Variants in HAVCR1 observed in about 807,000 individuals in gnomAD.
The protein encoded by HAVCR1 is T cell immunoglobin domain and mucin domain protein 1.
Under a neutral mutation model 32.0 loss-of-function variants are expected in HAVCR1, and 34 were observed. That is an observed-to-expected ratio of 1.06 (90% CI 0.81 to 1.42). The LOEUF (loss-of-function observed/expected upper bound fraction) is 1.42, where lower values mean the gene tolerates loss of function less well. Ranked by LOEUF, HAVCR1 falls within the 40% of genes most tolerant of loss-of-function variation. The probability of loss-of-function intolerance (pLI) is 0.00; values close to 1 mark genes in which losing one functional copy is unlikely to be tolerated. For synonymous variants in HAVCR1, 178 were observed against 170.3 expected (o/e 1.05, Z -0.35); for missense variants, 420 against 442.3 (o/e 0.95, Z 0.45).
At chr5:157,044,204 C>T (rs1229583109) in intron 5 of HAVCR1, among the ~76,000 whole-genome samples, 1 of 151,600 alleles carries the variant, frequency 6.6e-6, no homozygotes, top group African/African-American at 2.4e-5. Context: ...TGATGCTGCA[C>T]ATCTGTAATT....
the HAVCR1 span, among the ~76,000 whole-genome samples, chr5:157,065,401 G>T: frequency 6.6e-6 from 1 of 152,200 alleles, no homozygotes; most frequent in Non-Finnish European, 1.5e-5. Flanking sequence ...TAAGGACTAG[G>T]TCCTGGGGCC....
At position 157,032,868 on chromosome 5, in the gene HAVCR1, C is replaced by A. The variant is rs749450406; in HGVS notation, c.972G>T (p.Glu324Asp). Residue 324 changes from glutamate to aspartate, a missense_variant, in exon 8 of 9, where the codon GAG becomes GAT. Transcript: ENST00000523175. ...TTCGAGCTTACCTTAGTTGTTGAAC[C>A]TCCTTTTTGAAGAAATACTCTAAAT... ...IIAKKYFFKK[E>D]VQQLSVSFSS... 4 of 1,576,434 alleles carry A rather than the reference C, an allele frequency of 2.5e-6. No individual in the cohort carries two copies. Among genetic ancestry groups the A allele is most frequent in the Admixed American group, 1.7e-5 (1 of 57,292 alleles).
intron 5 of HAVCR1, among the ~76,000 whole-genome samples, chr5:157,048,097 C>T (rs1243582868): frequency 1.3e-5 from 2 of 152,116 alleles, no homozygotes; most frequent in Non-Finnish European, 2.9e-5. Context: ...CCCTTAATAG[C>T]GAGGACACAA....
At chr5:157,033,831 G>A (rs1420270603) in intron 7 of HAVCR1, among the ~76,000 whole-genome samples, 1 of 152,200 alleles carries the variant, frequency 6.6e-6, no homozygotes, top group African/African-American at 2.4e-5. Flanking sequence ...GGGAGGCAGA[G>A]GCAGGCGGTC....
intron 6 of HAVCR1, 115 bp downstream of exon 6, chr5:157,042,512 G>T: frequency 7.3e-6 from 4 of 546,774 alleles, no homozygotes; most frequent in South Asian, 3.2e-5. Context: ...TTTTTTTTAA[G>T]AAGAAAAAAA....
upstream of HAVCR1, among the ~76,000 whole-genome samples, chr5:157,061,940 G>T (rs975736664): frequency 1.3e-5 from 2 of 152,170 alleles, no homozygotes; most frequent in African/African-American, 4.8e-5. Flanking sequence ...ATTCCATAGG[G>T]TTGAATTTTC....
At chr5:157,056,040 C>T (rs1407786335) in intron 2 of HAVCR1, among the ~76,000 whole-genome samples, 2 of 151,756 alleles carry the variant, frequency 1.3e-5, no homozygotes, top group Non-Finnish European at 2.9e-5. Context: ...ACCCCCGCCT[C>T]CTGGGTTCAA....
intron 8 of HAVCR1, among the ~76,000 whole-genome samples, chr5:157,031,172 T>C (rs2113467330): frequency 6.6e-6 from 1 of 152,330 alleles, no homozygotes; most frequent in South Asian, 2.1e-4. Flanking sequence ...AAAATGAGAA[T>C]AGTGCCTCTC....
intron 2 of HAVCR1, among the ~76,000 whole-genome samples, chr5:157,057,386 GGAAAGAAAGAAAGAAAGAAAGAAA>G (rs544010943): frequency 0.055 from 4,346 of 79,388 alleles, 158 homozygotes; most frequent in Non-Finnish European, 0.069. Context: ...GAGAGAGAGA[GGAAAGAAAGAAAGAAAGAAAGAAA>G]GAAAGAAAGA....
chr5:157,033,570 G>A (rs1754303570), intron 7 of HAVCR1, among the ~76,000 whole-genome samples: 1 of 148,854 alleles, frequency 6.7e-6, no homozygotes, highest in African/African-American at 2.5e-5. Flanking sequence ...CAATGGCAGG[G>A]CGGGGGCGGG....
chr5:157,067,922 C>T, the HAVCR1 span, among the ~76,000 whole-genome samples: 9 of 152,002 alleles, frequency 5.9e-5, no homozygotes, highest in Non-Finnish European at 1.3e-4. Flanking sequence ...AGGTGATCTG[C>T]CTGCCTCGGC....
chr5:157,041,835 G>C (rs1011605799), intron 6 of HAVCR1, among the ~76,000 whole-genome samples: 17 of 152,108 alleles, frequency 1.1e-4, no homozygotes, highest in African/African-American at 3.9e-4. Flanking sequence ...GAGGCGGGTA[G>C]ATTGCCTGAG....
rs369342361 is a variant in HAVCR1, at chr5:157,056,532, G to A, written c.47-999C>T. ...GCAGCTGAGACTACAGGCACACGCC[G>A]CCACGCCCGGCTAATTTTTTTGTAT... On this transcript the variant is annotated intron_variant, in intron 2 of 8. Transcript: ENST00000523175. Among the ~76,000 whole-genome samples, 89 of 151,382 alleles carry A rather than the reference G, an allele frequency of 5.9e-4. No individual in the cohort carries two copies. In the South Asian group the frequency reaches 8.8e-3, roughly 15 times the overall value.
intron 5 of HAVCR1, among the ~76,000 whole-genome samples, chr5:157,045,271 C>T (rs974210863): frequency 1.1e-4 from 16 of 152,236 alleles, no homozygotes; most frequent in African/African-American, 3.9e-4. Flanking sequence ...AAAAGCAAAA[C>T]TGCAGATAAG....
intron 5 of HAVCR1, among the ~76,000 whole-genome samples, chr5:157,046,736 T>C (rs1408850279): frequency 1.3e-5 from 2 of 152,158 alleles, no homozygotes; most frequent in African/African-American, 4.8e-5. Flanking sequence ...TATTTGTTCT[T>C]ATATGGGGGA....
intron 5 of HAVCR1, 104 bp downstream of exon 5, chr5:157,048,934 T>A: frequency 1.4e-6 from 1 of 713,222 alleles, no homozygotes; most frequent in Non-Finnish European, 2.6e-6. Flanking sequence ...GTGCCTGGTG[T>A]TGGCACTCAG....
chr5:157,046,932 A>G (rs1333511842), intron 5 of HAVCR1, among the ~76,000 whole-genome samples: 1 of 152,184 alleles, frequency 6.6e-6, no homozygotes, highest in Non-Finnish European at 1.5e-5. Flanking sequence ...GGAATTAGCT[A>G]TCAACATGAA....
intron 2 of HAVCR1, 42 bp downstream of exon 2, chr5:157,057,856 C>G (rs1208023242): frequency 3.3e-6 from 5 of 1,499,636 alleles, no homozygotes; most frequent in Admixed American, 1.7e-5. Flanking sequence ...TTCTAACCCC[C>G]CTCTACTCCC....
At chr5:157,055,144 A>G in intron 3 of HAVCR1, 57 bp downstream of exon 3, 1 of 947,478 alleles carries the variant, frequency 1.1e-6, no homozygotes, top group Non-Finnish European at 1.6e-6. Context: ...AAAAAAGAAA[A>G]TTACTACCGA....
Sources: gnomAD v4.1 joint callset for allele counts (sites outside exome capture counted in the v4.1 genomes callset) on GRCh38, gnomAD v4.1.1 for gene constraint, MANE v1.5 for transcripts, NCBI Gene and HGNC (gene_info 2026-07-23, HGNC 2026-07-21) for gene names.